PMPCB: variants seen among roughly 807,000 people sequenced by gnomAD.
PMPCB encodes mitochondrial-processing peptidase subunit beta.
Under a neutral mutation model 61.5 loss-of-function variants are expected in PMPCB, and 46 were observed. The ratio of observed to expected loss-of-function variants is 0.75; its 90% CI spans 0.59 to 0.96. The LOEUF (loss-of-function observed/expected upper bound fraction) is 0.96, where lower values mean the gene tolerates loss of function less well. PMPCB is among the 40% of genes least tolerant of loss of function. The probability of loss-of-function intolerance (pLI) is 0.00; values close to 1 mark genes in which losing one functional copy is unlikely to be tolerated. For synonymous variants in PMPCB, 191 were observed against 201.6 expected, an observed-to-expected ratio of 0.95 and a Z score of 0.44; for missense variants, 590 against 602.4, an observed-to-expected ratio of 0.98 and a Z score of 0.22.
rs749627406 is a variant in PMPCB, at chr7:103,297,620, T to A, written c.99+62T>A. 3.4e-5 allele frequency: 55 copies of A among 1,602,314 alleles called. No individual in the cohort carries two copies. The East Asian group carries it at 1.2e-3, about 34-fold the overall frequency. On this transcript the variant is annotated intron_variant, in intron 1 of 12. Coordinates refer to ENST00000249269, the MANE Select transcript of PMPCB (RefSeq NM_004279.3). ...CTCGCCAGACCCGGCGCAGCGCACC[T>A]GAGAGTCGGCGCCACAGATCCGAAC...
At chr7:103,319,815 T>C (rs1437095167) in intron 12 of PMPCB, 1 of 1,614,206 alleles carries the variant, frequency 6.2e-7, no homozygotes, top group African/African-American at 1.3e-5. Flanking sequence ...TAACCCGCTC[T>C]GCCTCATTAT....
chr7:103,338,209 G>T, the PMPCB span, among the ~76,000 whole-genome samples: 194 of 151,790 alleles, frequency 1.3e-3, 3 homozygotes, highest in Admixed American at 7.0e-3. Flanking sequence ...AGTAGAGGCT[G>T]CAGTGAGCTG....
chr7:103,315,169 ATTT>A (rs35425130), downstream of PMPCB, among the ~76,000 whole-genome samples: 6 of 146,856 alleles, frequency 4.1e-5, no homozygotes, highest in African/African-American at 7.5e-5. Flanking sequence ...AAACCCTAAC[ATTT>A]TTTTTTTTTT....
intron 1 of PMPCB, among the ~76,000 whole-genome samples, chr7:103,298,119 C>CCT (rs765143647): frequency 6.6e-6 from 1 of 151,902 alleles, no homozygotes; most frequent in Non-Finnish European, 1.5e-5. Context: ...ATCTTCCTAT[C>CCT]CTCTCTCTCT....
intron 5 of PMPCB, 144 bp from the exon 6 acceptor site, chr7:103,304,267 G>T: frequency 1.5e-6 from 1 of 666,064 alleles, no homozygotes; most frequent in East Asian, 2.7e-5. Context: ...TGTAAAAAAG[G>T]TGAAGTTCTT....
downstream of PMPCB, chr7:103,316,784 C>G (rs192494564): frequency 2.9e-5 from 43 of 1,490,564 alleles, 1 homozygote; most frequent in East Asian, 6.8e-4. Flanking sequence ...TACATTATCT[C>G]CAGGCTCCAG....
rs2115663894 is a variant in PMPCB, at chr7:103,305,274, G to C, written c.736+784G>C. The stretch of plus-strand genomic sequence containing the variant: ...GTTGAATGGGAATCCAAACATGCAG[G>C]TGACTTCAGAAGGTTTCCTTGAGGT... On this transcript the variant is annotated intron_variant, in intron 6 of 12. Coordinates refer to ENST00000249269, the MANE Select transcript of PMPCB (RefSeq NM_004279.3). 3.9e-5 allele frequency among the ~76,000 whole-genome samples: 6 copies of C among 152,220 alleles called. 1 individual carries two copies. In the Middle Eastern group the frequency reaches 0.02, roughly 518 times the overall value.
At chr7:103,314,777 A>C (rs1817954705), downstream of PMPCB, 1 of 379,926 alleles carries the variant, frequency 2.6e-6, no homozygotes, top group Admixed American at 6.4e-5. Context: ...ATTTTGGGAT[A>C]ATAAGCAAGA....
chr7:103,330,872 A>G (rs543097562), downstream of PMPCB, among the ~76,000 whole-genome samples: 3 of 151,164 alleles, frequency 2.0e-5, no homozygotes, highest in Non-Finnish European at 4.4e-5. Flanking sequence ...CTGCGCCACC[A>G]CGCCTGACCA....
At chr7:103,300,422 CGAAA>C in intron 4 of PMPCB, 115 bp downstream of exon 4, 1 of 774,806 alleles carries the variant, frequency 1.3e-6, no homozygotes, top group South Asian at 3.0e-5. Flanking sequence ...TGTGAAAAAG[CGAAA>C]CTGAATTCTG....
rs370576184 is a variant in PMPCB, at chr7:103,312,675, T to C, written c.*404T>C. ...AGGGAGAAAGGTGTGATTTAAGAAG[T>C]TGCGATTTAAAAACAGACATTTTAA... On this transcript the variant is annotated 3_prime_UTR_variant, in exon 13 of 13. Coordinates refer to ENST00000249269, the MANE Select transcript of PMPCB (RefSeq NM_004279.3). 1.9e-6 allele frequency: 3 copies of C among 1,603,512 alleles called. No homozygotes were observed. Among genetic ancestry groups the C allele is most frequent in the Non-Finnish European group, 2.5e-6 (3 of 1,177,458 alleles).
chr7:103,327,632 C>G, intron 12 of PMPCB: 1 of 1,444,192 alleles, frequency 6.9e-7, no homozygotes, highest in African/African-American at 1.4e-5. Flanking sequence ...ATTAGAAATT[C>G]CTGACTCTAA....
At position 103,322,222 on chromosome 7, in the gene PMPCB, C is replaced by T. The variant is rs1020456758; in HGVS notation, c.*1432-6709C>T. 9.3e-6 allele frequency: 6 copies of T among 644,998 alleles called. No individual in the cohort carries two copies. In the South Asian group the frequency reaches 1.2e-4, roughly 12 times the overall value. The allele number at this position is 644,998 out of a possible 1,614,324, so 40.0% of individuals were successfully genotyped here. On this transcript the variant is annotated intron_variant and NMD_transcript_variant, in intron 12 of 12. Coordinates refer to the PMPCB transcript ENST00000444457. ...CTTATTGAAAACTGAAGGATGAACTCGGAAAGACAGCTGGTAAAGATCTAT... is the reference window on the plus strand; with the variant it reads ...CTTATTGAAAACTGAAGGATGAACTTGGAAAGACAGCTGGTAAAGATCTAT...
intron 1 of PMPCB, chr7:103,297,876 C>T (rs1817332193): frequency 7.0e-7 from 1 of 1,422,652 alleles, no homozygotes; most frequent in Non-Finnish European, 9.3e-7. Context: ...GAAATGGGTA[C>T]CGCTCCAGAG....
chr7:103,322,726 ATTTCT>A, intron 12 of PMPCB: 1 of 1,611,940 alleles, frequency 6.2e-7, no homozygotes, highest in Non-Finnish European at 8.5e-7. Context: ...TATTCTGTTC[ATTTCT>A]TCTTTTTTTC....
At chr7:103,330,840 C>A (rs758765618), downstream of PMPCB, among the ~76,000 whole-genome samples, 4 of 151,940 alleles carry the variant, frequency 2.6e-5, no homozygotes, top group Non-Finnish European at 5.9e-5. Flanking sequence ...CCCTGGCCTC[C>A]CAAAGTGCTA....
At chr7:103,316,128 G>T, downstream of PMPCB, 1 of 1,328,558 alleles carries the variant, frequency 7.5e-7, no homozygotes, top group Non-Finnish European at 1.0e-6. Flanking sequence ...ATAGTAGTAA[G>T]GAAAAACAAA....
chr7:103,326,566 G>A (rs1293955511), intron 12 of PMPCB: 37 of 1,613,548 alleles, frequency 2.3e-5, no homozygotes, highest in Non-Finnish European at 3.1e-5. Context: ...CAAACACTGG[G>A]GTAAACACTT....
downstream of PMPCB, chr7:103,316,923 C>G (rs1330980336): frequency 1.2e-6 from 2 of 1,614,064 alleles, no homozygotes; most frequent in East Asian, 4.5e-5. Flanking sequence ...TCCACCTCCA[C>G]CAGTTGATTT....
Sources: gnomAD v4.1 joint callset for allele counts (sites outside exome capture counted in the v4.1 genomes callset) on GRCh38, gnomAD v4.1.1 for gene constraint, MANE v1.5 for transcripts, NCBI Gene and HGNC (gene_info 2026-07-23, HGNC 2026-07-21) for gene names.